CRTC1: variants seen among roughly 807,000 people sequenced by gnomAD.
The protein encoded by CRTC1 is CREB regulated transcription coactivator 1, also known as CREB-regulated transcription coactivator 1.
A neutral mutation model predicts 66.1 loss-of-function variants in CRTC1; 18 were observed. The observed-to-expected ratio is 0.27, with a 90% CI of 0.19 to 0.40. CRTC1 has a LOEUF of 0.40. Ranked by LOEUF, CRTC1 falls within the 10% of genes least tolerant of loss-of-function variation. The pLI is 1.00. For missense variants in CRTC1, 669 were observed against 887.9 expected (o/e 0.75, Z 3.13); for synonymous variants, 416 against 398.8 (o/e 1.04, Z -0.51).
chr19:18,778,821 A>G lies in CRTC1; in HGVS notation c.*1439A>G, dbSNP rs1234247898. On this transcript the variant is annotated 3_prime_UTR_variant, in exon 14 of 14. Coordinates refer to ENST00000321949, the MANE Select transcript of CRTC1 (RefSeq NM_015321.3). ...AGAACCTGGGTGGAACTGGCATTTC[A>G]TCCCCTCTCCACCCTACCCTCTGGC... 4.3e-6 allele frequency: 1 copy of G among 231,236 alleles called. No homozygotes were observed. The highest frequency in any genetic ancestry group is 2.2e-5 in the African/African-American group (1 of 45,188). 14.3% of individuals were successfully genotyped at this position (231,236 alleles called of 1,614,324 possible). A position where few individuals can be genotyped will look rare whatever the true frequency, so the allele number is the denominator to read the frequency against.
chr19:18,718,567 T>C (rs1370402094), intron 1 of CRTC1, among the ~76,000 whole-genome samples: 5 of 151,406 alleles, frequency 3.3e-5, no homozygotes, highest in Non-Finnish European at 2.9e-5. Context: ...GCTCTCAAAC[T>C]CCTGGCCTCA....
chr19:18,719,676 CGT>C (rs1473992271), intron 1 of CRTC1, among the ~76,000 whole-genome samples: 1 of 152,192 alleles, frequency 6.6e-6, no homozygotes, highest in East Asian at 1.9e-4. Context: ...AGGCAGATGC[CGT>C]TTTCAAAAAT....
chr19:18,764,336 C>T (rs1173435033), intron 8 of CRTC1, among the ~76,000 whole-genome samples: 3 of 152,234 alleles, frequency 2.0e-5, no homozygotes, highest in African/African-American at 4.8e-5. Context: ...CACTTTGAAC[C>T]GGAGAGGGCG....
intron 1 of CRTC1, among the ~76,000 whole-genome samples, chr19:18,686,790 A>C (rs1471495225): frequency 6.6e-6 from 1 of 151,798 alleles, no homozygotes; most frequent in Non-Finnish European, 1.5e-5. Flanking sequence ...ATTTTTAGAC[A>C]CAAAGCATTG....
In CRTC1 at chr19:18,779,070, TCTGCTGTTCTTGGAATAGGAA is replaced by T. The variant is rs2055053396; in HGVS notation, c.*1699_*1719del. 1 of 232,676 alleles carries T rather than the reference TCTGCTGTTCTTGGAATAGGAA, an allele frequency of 4.3e-6. No homozygotes were observed. The highest frequency in any genetic ancestry group is 8.5e-6 in the Non-Finnish European group (1 of 117,684). The allele number at this position is 232,676 out of a possible 1,614,324, so 14.4% of individuals were successfully genotyped here. Reference sequence around the variant, plus strand: ...GGAGGCATCAGGGCTGGCTTTGTTTTCTGCTGTTCTTGGAATAGGAACTGCTGTTCTGATCCCCCCAAAACT... The same window carrying T: ...GGAGGCATCAGGGCTGGCTTTGTTTTCTGCTGTTCTGATCCCCCCAAAACT... On this transcript the variant is annotated 3_prime_UTR_variant, in exon 14 of 14. Coordinates refer to ENST00000321949, the MANE Select transcript of CRTC1 (RefSeq NM_015321.3).
At chr19:18,695,777 A>G (rs1301072349) in intron 1 of CRTC1, among the ~76,000 whole-genome samples, 2 of 152,112 alleles carry the variant, frequency 1.3e-5, no homozygotes, top group African/African-American at 4.8e-5. Context: ...AGGCAGGAGA[A>G]TGGCGTGAAC....
rs995852898 is a variant in CRTC1, at chr19:18,775,068, G to A, written c.1512+82G>A. ...ACCCTCGCTGGGACCCGGGCCTTGC[G>A]AGTCAGAGCTGCACGTGCTCGGGGG... On this transcript the variant is annotated intron_variant, in intron 12 of 13. Coordinates refer to ENST00000321949, the MANE Select transcript of CRTC1 (RefSeq NM_015321.3). 31 of 1,393,222 alleles carry A rather than the reference G, an allele frequency of 2.2e-5. No individual in the cohort carries two copies. The Middle Eastern group carries it at 9.9e-4, about 45-fold the overall frequency. 86.3% of individuals were successfully genotyped at this position (1,393,222 alleles called of 1,614,324 possible).
At chr19:18,745,770 G>C in intron 2 of CRTC1, 53 bp from the exon 3 acceptor site, 1 of 1,609,588 alleles carries the variant, frequency 6.2e-7, no homozygotes, top group Non-Finnish European at 8.5e-7. Flanking sequence ...GGCCACAGCT[G>C]GTAACCATTG....
At chr19:18,743,241 G>A (rs929999199) in intron 2 of CRTC1, among the ~76,000 whole-genome samples, 7 of 152,364 alleles carry the variant, frequency 4.6e-5, no homozygotes, top group African/African-American at 9.6e-5. Context: ...ACCCCGAGGC[G>A]AGCCCTCCAT....
At chr19:18,722,948 C>CT (rs907251799) in intron 1 of CRTC1, among the ~76,000 whole-genome samples, 49 of 149,242 alleles carry the variant, frequency 3.3e-4, no homozygotes, top group African/African-American at 5.9e-4. Context: ...GTGCTACAGT[C>CT]TTTTTTTTTT....
Position 18,778,609 on chromosome 19 carries a change from G to T in CRTC1, c.*1227G>T. On this transcript the variant is annotated 3_prime_UTR_variant, in exon 14 of 14. Transcript: ENST00000321949. The stretch of plus-strand genomic sequence containing the variant: ...CCACAGAACAGACTTCCGGGAAGGG[G>T]CCTTGGCTTTTATTGAGGGTCTCTC... The T allele has an allele frequency of 8.7e-6, 2 of 230,898 alleles. No homozygotes were observed. The highest frequency in any genetic ancestry group is 1.7e-5 in the Non-Finnish European group (2 of 116,564). The allele number at this position is 230,898 out of a possible 1,614,324, so 14.3% of individuals were successfully genotyped here. A position where few individuals can be genotyped will look rare whatever the true frequency, so the allele number is the denominator to read the frequency against.
chr19:18,749,752 C>T (rs770184522), intron 4 of CRTC1, 29 bp from the exon 5 acceptor site: 1 of 1,581,558 alleles, frequency 6.3e-7, no homozygotes, highest in Non-Finnish European at 8.7e-7. Flanking sequence ...TGGGCTGAGG[C>T]TCATTGTCTC....
At chr19:18,765,887 G>C (rs2054722288) in intron 9 of CRTC1, among the ~76,000 whole-genome samples, 2 of 152,072 alleles carry the variant, frequency 1.3e-5, no homozygotes, top group Admixed American at 6.6e-5. Context: ...CTTGAGCCCA[G>C]GGGGTGGAGG....
At chr19:18,774,818 G>A (rs1715914680) in intron 11 of CRTC1, 82 bp from the exon 12 acceptor site, 11 of 1,373,448 alleles carry the variant, frequency 8.0e-6, no homozygotes, top group African/African-American at 2.8e-5. Flanking sequence ...GGGGCCTCTT[G>A]TCTTCCAGCC....
intron 1 of CRTC1, among the ~76,000 whole-genome samples, chr19:18,710,462 G>GGGAGCCA (rs148820894): frequency 0.1 from 15,782 of 152,142 alleles, 1,023 homozygotes; most frequent in East Asian, 0.26. Context: ...TGGAGGGGGT[G>GGGAGCCA]GGAGCCAGGA....
Position 18,781,626 on chromosome 19 carries a change from A to C in CRTC1, c.*4244A>C. 1 of 229,142 alleles carries C rather than the reference A, an allele frequency of 4.4e-6. No individual in the cohort carries two copies. The highest frequency in any genetic ancestry group is 8.7e-6 in the Non-Finnish European group (1 of 115,466). 14.2% of individuals were successfully genotyped at this position (229,142 alleles called of 1,614,324 possible). A position where few individuals can be genotyped will look rare whatever the true frequency, so the allele number is the denominator to read the frequency against. Reference sequence around the variant, plus strand: ...TGGGTGCTGGGGAGTTCCTGAGGGCATGGGTGGGGCAGGAGTGAGTGCCTC... The same window carrying C: ...TGGGTGCTGGGGAGTTCCTGAGGGCCTGGGTGGGGCAGGAGTGAGTGCCTC... On this transcript the variant is annotated 3_prime_UTR_variant, in exon 14 of 14. Coordinates refer to ENST00000321949, the MANE Select transcript of CRTC1 (RefSeq NM_015321.3).
chr19:18,722,472 G>A (rs1421331215), intron 1 of CRTC1, among the ~76,000 whole-genome samples: 4 of 152,206 alleles, frequency 2.6e-5, no homozygotes, highest in South Asian at 4.1e-4. Flanking sequence ...GATTGGCCCC[G>A]AATCCCATGA....
chr19:18,759,896 C>T (rs1025689736), intron 7 of CRTC1, 112 bp from the exon 8 acceptor site: 1 of 870,096 alleles, frequency 1.1e-6, no homozygotes, highest in Middle Eastern at 3.6e-4. Context: ...CACACGGCAC[C>T]TGATGGGGGG....
At chr19:18,707,872 C>T (rs1362213287) in intron 1 of CRTC1, among the ~76,000 whole-genome samples, 2 of 152,264 alleles carry the variant, frequency 1.3e-5, no homozygotes, top group African/African-American at 2.4e-5. Context: ...CTCTCCTCCT[C>T]CCAGCTATGT....
Sources: allele counts gnomAD v4.1 joint callset (sites outside exome capture counted in the v4.1 genomes callset), GRCh38; gene constraint gnomAD v4.1.1; transcripts MANE v1.5; gene names NCBI Gene and HGNC (gene_info 2026-07-23, HGNC 2026-07-21).